The following LZTR1 variants were observed in gnomAD, a reference collection of about 807,000 sequenced individuals.
LZTR1 encodes leucine zipper like post translational regulator 1.
Under a neutral mutation model 105.7 loss-of-function variants are expected in LZTR1, and 260 were observed. The ratio of observed to expected loss-of-function variants is 2.46; its 90% CI spans 2.22 to 2.72. LZTR1 has a LOEUF of 2.72. Among genes scored for constraint, LZTR1 ranks in the 30% most tolerant of loss-of-function variants. The pLI, the probability that LZTR1 is intolerant of heterozygous loss-of-function variation, is 0.00. For missense variants in LZTR1, 1,214 were observed against 1,166.9 expected (o/e 1.04, Z -0.59); for synonymous variants, 490 against 476.4 (o/e 1.03, Z -0.37).
chr22:20,992,592 C>G, intron 10 of LZTR1: 1 of 638,356 alleles, frequency 1.6e-6, no homozygotes, highest in Non-Finnish European at 2.7e-6. Flanking sequence ...CTGAGGGTCT[C>G]CATGGCCCGT....
intron 11 of LZTR1, 65 bp downstream of exon 11, chr22:20,992,969 G>C: frequency 8.8e-7 from 1 of 1,134,828 alleles, no homozygotes; most frequent in South Asian, 1.5e-5. Flanking sequence ...AGAAACTGAG[G>C]CCAAGTTGGG....
intron 16 of LZTR1, 145 bp downstream of exon 16, chr22:20,995,171 G>C (rs1389517301): frequency 2.9e-5 from 26 of 899,016 alleles, no homozygotes; most frequent in African/African-American, 2.5e-4. Flanking sequence ...CCTGGGTACA[G>C]GGAGGAAACA....
intron 20 of LZTR1, 99 bp from the exon 21 acceptor site, chr22:20,997,133 C>A: frequency 9.0e-7 from 1 of 1,110,582 alleles, no homozygotes; most frequent in Non-Finnish European, 1.4e-6. Flanking sequence ...TTGGGACCAG[C>A]CTGAGCCCTG....
At chr22:20,984,239 C>G (rs928068431) in intron 2 of LZTR1, among the ~76,000 whole-genome samples, 1 of 152,346 alleles carries the variant, frequency 6.6e-6, no homozygotes. Context: ...TCAGTCAAGG[C>G]AGGGCCTGTG....
At chr22:20,996,412 T>C (rs534170152) in intron 18 of LZTR1, 4 of 591,812 alleles carry the variant, frequency 6.8e-6, no homozygotes, top group African/African-American at 1.9e-5. Context: ...GTACTCCTTA[T>C]GTCACTTCAG....
chr22:20,995,367 G>A, intron 16 of LZTR1: 1 of 614,788 alleles, frequency 1.6e-6, no homozygotes, highest in South Asian at 1.5e-5. Flanking sequence ...TAATGTCACA[G>A]GCCCCTTCAT....
intron 9 of LZTR1, 74 bp from the exon 10 acceptor site, chr22:20,992,140 G>C (rs1924627787): frequency 6.8e-7 from 1 of 1,462,284 alleles, no homozygotes; most frequent in Admixed American, 1.9e-5. Flanking sequence ...CTCAAGGCCA[G>C]GATGGTGGGG....
chr22:20,997,352 CCT>C lies in LZTR1; in HGVS notation c.*5_*6del, dbSNP rs775442788. 3 of 1,595,942 alleles carry C rather than the reference CCT, an allele frequency of 1.9e-6. No homozygotes were observed. Among genetic ancestry groups the C allele is most frequent in the Non-Finnish European group, 2.6e-6 (3 of 1,164,074 alleles). ...AGAGCTGGGCGCCGACATCTGAGGC[CCT>C]GTGGCGCCTGCCCATTGTGAAGAAT... On this transcript the variant is annotated 3_prime_UTR_variant, in exon 21 of 21. Coordinates refer to ENST00000646124, the MANE Select transcript of LZTR1 (RefSeq NM_006767.4).
intron 10 of LZTR1, 42 bp from the exon 11 acceptor site, chr22:20,992,752 C>T: frequency 7.9e-7 from 1 of 1,273,588 alleles, no homozygotes. Context: ...ACTGTGGAGG[C>T]TCTGCTCCCC....
Position 20,997,427 on chromosome 22 carries a change from C to T in LZTR1, c.*79C>T. The T allele has an allele frequency of 9.1e-7, 1 of 1,093,700 alleles. No individual in the cohort carries two copies. Among genetic ancestry groups the T allele is most frequent in the South Asian group, 1.3e-5 (1 of 79,086 alleles). The allele number at this position is 1,093,700 out of a possible 1,614,324, so 67.7% of individuals were successfully genotyped here. On this transcript the variant is annotated 3_prime_UTR_variant, in exon 21 of 21. Transcript: ENST00000646124. ...TACTGAGAAGACTACCGGCTATGCG[C>T]ATGCCTATGGCAGTGGGTGCACCTG...
rs547367093 is a variant in LZTR1 at position 20,986,055 on chromosome 22, C to G, written c.320+158C>G. The G allele has an allele frequency of 1.0e-4, 76 of 730,444 alleles. No homozygotes were observed. The South Asian group carries it at 1.1e-3, about 11-fold the overall frequency. 45.2% of individuals were successfully genotyped at this position (730,444 alleles called of 1,614,324 possible). ...GGCCTCAGGGATGCCACATCCAGAG[C>G]CGCCCTGTCAGGCTGAGGAGATCAA... On this transcript the variant is annotated intron_variant, in intron 3 of 20. Coordinates refer to ENST00000646124, the MANE Select transcript of LZTR1 (RefSeq NM_006767.4).
intron 2 of LZTR1, among the ~76,000 whole-genome samples, chr22:20,984,518 T>C (rs1210664112): frequency 1.4e-5 from 2 of 146,540 alleles, no homozygotes; most frequent in African/African-American, 5.1e-5. Flanking sequence ...GACAAAGAAA[T>C]AGGATACAAA....
Position 20,995,814 on chromosome 22 carries a change from CTG to C in LZTR1, c.2013_2014del (p.Leu672AlafsTer2). On this transcript the variant is annotated frameshift_variant, in exon 17 of 21. Transcript: ENST00000646124. LOFTEE classifies it high-confidence loss of function. Reference sequence around the variant, plus strand: ...GGGCGCGGAATTCTGTGACATCACTCTGTTGCTTGACGGGCACCCACGGCCAG... The same window carrying C: ...GGGCGCGGAATTCTGTGACATCACTCTTGCTTGACGGGCACCCACGGCCAG... ...GAGAEFCDIT[L>X]LLDGHPRPAH... 1.2e-6 allele frequency: 2 copies of C among 1,613,512 alleles called. No homozygotes were observed. The highest frequency in any genetic ancestry group is 4.5e-5 in the East Asian group (2 of 44,864).
At chr22:20,984,598 G>A (rs928006745) in intron 2 of LZTR1, among the ~76,000 whole-genome samples, 2 of 140,224 alleles carry the variant, frequency 1.4e-5, no homozygotes, top group East Asian at 2.1e-4. Flanking sequence ...CCTGCGGCAC[G>A]TGGGGCAAGT....
At position 20,982,487 on chromosome 22, in the gene LZTR1, A is replaced by T; in HGVS notation, c.116A>T (p.Glu39Val). ...GACCATAGCTGCTCGGACAGTGTCGAGTACCTGACGCTCAACTTCGGGCCC... is the reference window on the plus strand; with the variant it reads ...GACCATAGCTGCTCGGACAGTGTCGTGTACCTGACGCTCAACTTCGGGCCC... ...DFDHSCSDSV[E>V]YLTLNFGPFE... is the part of the protein sequence containing the mutation. The change falls in exon 1 of 21, where the codon GAG (glutamate) becomes GTG (valine). Residue 39 changes from glutamate to valine, a missense_variant. Glu to Val is a moderately radical substitution (Grantham distance 121, BLOSUM62 -2). Coordinates refer to ENST00000646124, the MANE Select transcript of LZTR1 (RefSeq NM_006767.4). 6.2e-7 allele frequency: 1 copy of T among 1,612,254 alleles called. No individual in the cohort carries two copies. The highest frequency in any genetic ancestry group is 2.2e-5 in the East Asian group (1 of 44,842).
In LZTR1 at chr22:20,982,444, G is replaced by T. The variant is rs780281625; in HGVS notation, c.73G>T (p.Ala25Ser). The T allele has an allele frequency of 2.7e-5, 43 of 1,591,138 alleles. No homozygotes were observed. Among genetic ancestry groups the T allele is most frequent in the Non-Finnish European group, 3.7e-5 (43 of 1,168,578 alleles). ...GGCAGGCGGCGCGCGGTCCAAGGTA[G>T]CCCCGAGCGTGGACTTCGACCATAG... The part of the protein sequence containing the change: ...ALAGGARSKV[A>S]PSVDFDHSCS... The change falls in exon 1 of 21, where the codon GCC becomes TCC. Residue 25 changes from alanine to serine, a missense_variant. Ala to Ser is a moderately conservative substitution (Grantham distance 99). Coordinates refer to ENST00000646124, the MANE Select transcript of LZTR1 (RefSeq NM_006767.4).
At chr22:20,992,514 C>T in intron 10 of LZTR1, 145 bp downstream of exon 10, 3 of 977,596 alleles carry the variant, frequency 3.1e-6, no homozygotes, top group Non-Finnish European at 4.4e-6. Flanking sequence ...CAAGGGCCCT[C>T]ACCCTGCTGG....
rs1301901369 is a variant in LZTR1, at chr22:20,985,897, G to C, written c.320G>C (p.Arg107Thr). Residue 107 changes from arginine to threonine, a missense_variant and splice_region_variant, in exon 3 of 21, where the codon AGG (arginine) becomes ACG (threonine). Coordinates refer to ENST00000646124, the MANE Select transcript of LZTR1 (RefSeq NM_006767.4). ...GATGTGAAAGACTGCTCCTGGTGCA[G>C]GTGGGTGGCCCCGTGCTCCAGGGCC... ...RFDVKDCSWC[R>T]AFTTGTPPAP... is the part of the protein sequence containing the mutation. 1.9e-6 allele frequency: 3 copies of C among 1,613,994 alleles called. No homozygotes were observed. The highest frequency in any genetic ancestry group is 1.1e-5 in the South Asian group (1 of 91,092).
At chr22:20,995,905 GC>G in intron 17 of LZTR1, 33 bp downstream of exon 17, 1 of 1,613,030 alleles carries the variant, frequency 6.2e-7, no homozygotes, top group African/African-American at 1.3e-5. Flanking sequence ...GGGAGGGTGG[GC>G]CTGGATGGTG....
Sources: allele counts gnomAD v4.1 joint callset (sites outside exome capture counted in the v4.1 genomes callset), GRCh38; gene constraint gnomAD v4.1.1; transcripts MANE v1.5; gene names NCBI Gene and HGNC (gene_info 2026-07-23, HGNC 2026-07-21).